The following AUH variants were observed in gnomAD, a reference collection of about 807,000 sequenced individuals.
AUH encodes methylglutaconyl-CoA hydratase, mitochondrial.
In AUH, 29 loss-of-function variants were observed where a neutral mutation model predicts 42.3. The observed-to-expected ratio is 0.69, with a 90% CI of 0.51 to 0.93. The LOEUF (loss-of-function observed/expected upper bound fraction) is 0.93. Among genes scored for constraint, AUH ranks in the 40% least tolerant of loss-of-function variants. The probability of loss-of-function intolerance (pLI) is 0.00; values close to 1 mark genes in which losing one functional copy is unlikely to be tolerated. For synonymous variants in AUH, 174 were observed against 166.4 expected, an observed-to-expected ratio of 1.05 and a Z score of -0.35; for missense variants, 452 against 438.1, an observed-to-expected ratio of 1.03 and a Z score of -0.28.
chr9:91,298,082 A>G lies in AUH; in HGVS notation c.506-6T>C, dbSNP rs1827491811. 10 of 1,604,842 alleles carry G rather than the reference A, an allele frequency of 6.2e-6. No individual in the cohort carries two copies. The highest frequency in any genetic ancestry group is 8.5e-6 in the Non-Finnish European group (10 of 1,171,652). ...TGTTGGTACTGGAAGATTAGCTGAA[A>G]TGGAAAGAAAATTTTATGCTTCCTT... On this transcript the variant is annotated splice_region_variant and splice_polypyrimidine_tract_variant and intron_variant, in intron 4 of 9. Transcript: ENST00000375731.
chr9:91,261,169 T>G (rs1374337525), intron 6 of AUH, among the ~76,000 whole-genome samples: 1 of 152,172 alleles, frequency 6.6e-6, no homozygotes, highest in Non-Finnish European at 1.5e-5. Context: ...TACTACTTTT[T>G]TATTGGTTGC....
intron 7 of AUH, 103 bp from the exon 8 acceptor site, chr9:91,217,430 GC>G: frequency 8.2e-7 from 1 of 1,219,076 alleles, no homozygotes; most frequent in Non-Finnish European, 1.2e-6. Flanking sequence ...CCATTGCACA[GC>G]CAGCAATGGC....
chr9:91,284,510 A>G (rs1448622572), intron 6 of AUH, among the ~76,000 whole-genome samples: 1 of 152,232 alleles, frequency 6.6e-6, no homozygotes, highest in East Asian at 1.9e-4. Context: ...AGAAACTGCC[A>G]TCAGCGTGAA....
intron 4 of AUH, among the ~76,000 whole-genome samples, chr9:91,304,948 A>G (rs1007854880): frequency 2.0e-5 from 3 of 152,188 alleles, no homozygotes; most frequent in Admixed American, 6.5e-5. Context: ...TCAGTTACCC[A>G]TGGTCAACTG....
At chr9:91,288,536 C>T (rs1387902130) in intron 6 of AUH, among the ~76,000 whole-genome samples, 3 of 151,906 alleles carry the variant, frequency 2.0e-5, no homozygotes, top group Non-Finnish European at 4.4e-5. Flanking sequence ...TTAAATGGGC[C>T]AGTGCTTCAA....
intron 6 of AUH, among the ~76,000 whole-genome samples, chr9:91,274,835 T>A (rs1403962613): frequency 2.0e-5 from 3 of 152,206 alleles, no homozygotes; most frequent in African/African-American, 7.2e-5. Flanking sequence ...TCCTGTTCAA[T>A]TTTGCTAAAG....
chr9:91,235,337 T>C (rs958393370), intron 6 of AUH, among the ~76,000 whole-genome samples: 6 of 152,110 alleles, frequency 3.9e-5, no homozygotes, highest in Non-Finnish European at 7.4e-5. Flanking sequence ...AAGTGTTGTC[T>C]GAAATGCTAG....
chr9:91,256,681 C>A (rs755304921), intron 6 of AUH, among the ~76,000 whole-genome samples: 1 of 151,996 alleles, frequency 6.6e-6, no homozygotes, highest in African/African-American at 2.4e-5. Context: ...TGTGCTCAAG[C>A]GGCAGACTTA....
chr9:91,229,538 C>A (rs1473398432), intron 6 of AUH, among the ~76,000 whole-genome samples: 1 of 150,206 alleles, frequency 6.7e-6, no homozygotes, highest in Non-Finnish European at 1.5e-5. Context: ...TTAATTGGAG[C>A]ATTTAGTCCA....
At chr9:91,263,142 G>A (rs971360014) in intron 6 of AUH, among the ~76,000 whole-genome samples, 9 of 152,198 alleles carry the variant, frequency 5.9e-5, no homozygotes, top group Non-Finnish European at 1.3e-4. Flanking sequence ...AACTGCAAAT[G>A]ACCAAATGTC....
At chr9:91,268,194 T>A (rs184216983) in intron 6 of AUH, among the ~76,000 whole-genome samples, 1 of 152,350 alleles carries the variant, frequency 6.6e-6, no homozygotes, top group East Asian at 1.9e-4. Context: ...TTTTCTTTTA[T>A]ACATGAAAGC....
chr9:91,237,187 TAAC>T (rs1828237174), intron 6 of AUH, among the ~76,000 whole-genome samples: 2 of 152,292 alleles, frequency 1.3e-5, no homozygotes, highest in African/African-American at 4.8e-5. Context: ...TTAGCAAAAT[TAAC>T]AAAGAATTTC....
intron 4 of AUH, among the ~76,000 whole-genome samples, chr9:91,302,486 G>A (rs1224110663): frequency 2.0e-5 from 3 of 152,198 alleles, no homozygotes; most frequent in African/African-American, 7.2e-5. Context: ...CTACTCAAGA[G>A]GCTGAGGCAG....
intron 6 of AUH, among the ~76,000 whole-genome samples, chr9:91,225,296 G>A (rs1223071138): frequency 6.6e-6 from 1 of 152,148 alleles, no homozygotes; most frequent in Non-Finnish European, 1.5e-5. Context: ...TGCCATGCCT[G>A]GCATCAGACT....
At chr9:91,292,033 A>C (rs1282595994) in intron 6 of AUH, among the ~76,000 whole-genome samples, 8 of 152,278 alleles carry the variant, frequency 5.3e-5, no homozygotes, top group Non-Finnish European at 1.2e-4. Context: ...GAATGCCTCC[A>C]AATTCTCTGA....
At chr9:91,215,681 C>A (rs1194422449) in intron 9 of AUH, among the ~76,000 whole-genome samples, 2 of 152,062 alleles carry the variant, frequency 1.3e-5, no homozygotes, top group South Asian at 2.1e-4. Context: ...TCAGGAAAAG[C>A]CAAGCAGTCT....
chr9:91,277,022 C>T (rs1057114912), intron 6 of AUH, among the ~76,000 whole-genome samples: 16 of 152,028 alleles, frequency 1.1e-4, no homozygotes, highest in African/African-American at 3.9e-4. Context: ...CTCATCTCCA[C>T]AAAAATTTTT....
At chr9:91,337,650 T>C (rs993277377) in intron 3 of AUH, among the ~76,000 whole-genome samples, 7 of 152,190 alleles carry the variant, frequency 4.6e-5, no homozygotes, top group Non-Finnish European at 1.0e-4. Flanking sequence ...TACAGGAATT[T>C]CAGAAAAATT....
At chr9:91,293,249 T>A (rs1296058806) in intron 6 of AUH, among the ~76,000 whole-genome samples, 1 of 152,202 alleles carries the variant, frequency 6.6e-6, no homozygotes, top group Non-Finnish European at 1.5e-5. Flanking sequence ...CGTCTCTCAC[T>A]GGAAATCAAA....
Sources: gnomAD v4.1 joint callset for allele counts (sites outside exome capture counted in the v4.1 genomes callset) on GRCh38, gnomAD v4.1.1 for gene constraint, MANE v1.5 for transcripts, NCBI Gene and HGNC (gene_info 2026-07-23, HGNC 2026-07-21) for gene names.